Variants in LARP7 observed in about 807,000 individuals in gnomAD.
LARP7 encodes the protein la-related protein 7.
In LARP7, 52 loss-of-function variants were observed where a neutral mutation model predicts 69.3. The ratio of observed to expected loss-of-function variants is 0.75; its 90% CI spans 0.60 to 0.95. The LOEUF is 0.95. Among genes scored for constraint, LARP7 ranks in the 40% least tolerant of loss-of-function variants. LARP7 has a pLI of 0.00. For missense variants in LARP7, 733 were observed against 673.0 expected, an observed-to-expected ratio of 1.09 and a Z score of -0.99; for synonymous variants, 254 against 215.9, an observed-to-expected ratio of 1.18 and a Z score of -1.55.
intron 1 of LARP7, among the ~76,000 whole-genome samples, chr4:112,640,154 G>A (rs899992719): frequency 6.6e-6 from 1 of 151,988 alleles, no homozygotes; most frequent in Non-Finnish European, 1.5e-5. Flanking sequence ...GGCCAGGCTG[G>A]TCTTGAACTT....
chr4:112,644,464 A>T, intron 1 of LARP7: 1 of 1,196,052 alleles, frequency 8.4e-7, no homozygotes, highest in Non-Finnish European at 1.1e-6. Context: ...CAAAGAAACT[A>T]AAGCTATGAT....
rs2048874430 is a variant in LARP7 at position 112,654,324 on chromosome 4, G to A, written c.1668+165G>A. The A allele has an allele frequency of 6.0e-6, 3 of 502,454 alleles. No homozygotes were observed. In the South Asian group the frequency reaches 1.0e-4, roughly 17 times the overall value. 31.1% of individuals were successfully genotyped at this position (502,454 alleles called of 1,614,324 possible). A position where few individuals can be genotyped will look rare whatever the true frequency, so the allele number is the denominator to read the frequency against. ...TTGGGAGGGAAAAGTCATTTCTCTA[G>A]ATTTCAAAATGTATGAAATTGAATT... On this transcript the variant is annotated intron_variant, in intron 12 of 12. Coordinates refer to ENST00000344442, the MANE Select transcript of LARP7 (RefSeq NM_016648.4).
chr4:112,648,438 T>G (rs762177459), intron 8 of LARP7: 2 of 534,370 alleles, frequency 3.7e-6, no homozygotes, highest in Non-Finnish European at 7.7e-6. Context: ...AGGGGATCCC[T>G]TCAAATGAGG....
intron 1 of LARP7, chr4:112,644,271 C>T (rs1487019881): frequency 2.9e-5 from 6 of 206,628 alleles, no homozygotes; most frequent in Non-Finnish European, 5.1e-5. Flanking sequence ...AATACAACTT[C>T]TCTGGGGTGG....
chr4:112,647,427 C>A lies in LARP7; in HGVS notation c.875C>A (p.Thr292Lys), dbSNP rs1262562247. ...VEASSLPEVR[T>K]GKRKRSSSED... ...GCATCTAGCTTACCTGAAGTCAGAA[C>A]AGGGAAGAGGAAGAGAAGCAGCTCT... The change falls in exon 7 of 13, where the codon ACA becomes AAA. Residue 292 changes from threonine (T) to lysine (K), a missense_variant. Thr to Lys is a moderately conservative substitution (Grantham distance 78). Transcript: ENST00000344442. 6.2e-7 allele frequency: 1 copy of A among 1,613,912 alleles called. No individual in the cohort carries two copies. The highest frequency in any genetic ancestry group is 8.5e-7 in the Non-Finnish European group (1 of 1,180,018).
At chr4:112,639,112 C>G (rs1376709722) in intron 1 of LARP7, among the ~76,000 whole-genome samples, 1 of 152,016 alleles carries the variant, frequency 6.6e-6, no homozygotes, top group Non-Finnish European at 1.5e-5. Context: ...AAACTGCTAC[C>G]TAGTGGGATT....
In LARP7 at chr4:112,654,073, C is replaced by G; in HGVS notation, c.1582C>G (p.His528Asp). 1.2e-6 allele frequency: 2 copies of G among 1,611,822 alleles called. No individual in the cohort carries two copies. The highest frequency in any genetic ancestry group is 1.7e-6 in the Non-Finnish European group (2 of 1,178,218). ...CWKLEILSGD[H>D]EQRYWQKILV... is the part of the protein sequence containing the mutation. ...AGTCTTTGTTTGTTTTTAAGGTGAT[C>G]ACGAACAAAGGTATTGGCAGAAGAT... is the stretch of plus-strand genomic sequence containing the variant. The change falls in exon 12 of 13, where the codon CAC becomes GAC. Residue 528 changes from histidine (H) to aspartate (D), a missense_variant. Transcript: ENST00000344442.
chr4:112,648,630 T>A (rs970331148), intron 8 of LARP7: 17 of 425,862 alleles, frequency 4.0e-5, no homozygotes, highest in Non-Finnish European at 6.9e-5. Flanking sequence ...ATGGCATAAC[T>A]TTAGAAGAAA....
chr4:112,638,080 G>C lies in LARP7; in HGVS notation c.-3+841G>C, dbSNP rs1002502470. The C allele has an allele frequency of 2.6e-5, 4 of 152,456 alleles. No individual in the cohort carries two copies. In the East Asian group the frequency reaches 7.7e-4, roughly 29 times the overall value. The allele number at this position is 152,456 out of a possible 1,614,324, so 9.4% of individuals were successfully genotyped here. A position where few individuals can be genotyped will look rare whatever the true frequency, so the allele number is the denominator to read the frequency against. On this transcript the variant is annotated intron_variant, in intron 1 of 12. Coordinates refer to ENST00000344442, the MANE Select transcript of LARP7 (RefSeq NM_016648.4). ...GGAGGCCGACGCGGGAGGATCACTT[G>C]AGGTCAGGAGTTCGAGACCAGCCTG...
intron 12 of LARP7, among the ~76,000 whole-genome samples, chr4:112,655,856 C>G (rs1420334920): frequency 6.6e-6 from 1 of 152,086 alleles, no homozygotes; most frequent in Admixed American, 6.6e-5. Flanking sequence ...AGAAGTATAG[C>G]TTTTCAGGCA....
intron 1 of LARP7, 68 bp from the exon 2 acceptor site, chr4:112,644,600 C>CTAT: frequency 1.6e-6 from 2 of 1,240,690 alleles, no homozygotes; most frequent in Non-Finnish European, 2.2e-6. Context: ...AAAGGCTAAT[C>CTAT]TAAATATTTA....
intron 1 of LARP7, chr4:112,644,301 T>C (rs2048077689): frequency 7.5e-6 from 2 of 267,906 alleles, no homozygotes; most frequent in Non-Finnish European, 6.7e-6. Flanking sequence ...GGGGGGGTGT[T>C]GCGATGGAGA....
At chr4:112,649,349 A>T (rs1374871029) in intron 8 of LARP7, among the ~76,000 whole-genome samples, 186 bp from the exon 9 acceptor site, 1 of 152,206 alleles carries the variant, frequency 6.6e-6, no homozygotes, top group African/African-American at 2.4e-5. Flanking sequence ...TTGGGGGAAG[A>T]GGAACTCCCT....
chr4:112,644,831 T>C lies in LARP7; in HGVS notation c.162T>C (p.Asp54=), dbSNP rs560064632. ...TTGGGGATGCAAATCTTCACAAGGA[T>C]AGATTTCTTCGAGAACAGATAGAAA... ...FWFGDANLHK[D]RFLREQIEKS... Residue 54 remains aspartate (D), a synonymous_variant, in exon 2 of 13, where the codon GAT becomes GAC. Coordinates refer to ENST00000344442, the MANE Select transcript of LARP7 (RefSeq NM_016648.4). The C allele has an allele frequency of 1.9e-6, 3 of 1,604,410 alleles. No homozygotes were observed. Among genetic ancestry groups the C allele is most frequent in the Non-Finnish European group, 2.6e-6 (3 of 1,174,032 alleles).
intron 1 of LARP7, among the ~76,000 whole-genome samples, chr4:112,643,797 A>T (rs1443167282): frequency 1.3e-5 from 2 of 152,000 alleles, no homozygotes; most frequent in East Asian, 3.9e-4. Context: ...GCTTGCAGTA[A>T]GCTGAGATCA....
chr4:112,652,619 A>C (rs1415763053), intron 10 of LARP7, among the ~76,000 whole-genome samples: 1 of 151,962 alleles, frequency 6.6e-6, no homozygotes, highest in East Asian at 1.9e-4. Flanking sequence ...ATGAGTTGTT[A>C]TTAAAAGTGG....
chr4:112,649,415 A>C (rs2048594372), intron 8 of LARP7, 120 bp from the exon 9 acceptor site: 2 of 794,562 alleles, frequency 2.5e-6, no homozygotes, highest in East Asian at 6.0e-5. Flanking sequence ...ATATGTGTTT[A>C]AAGAAACAGG....
intron 1 of LARP7, among the ~76,000 whole-genome samples, chr4:112,643,575 C>T (rs749295127): frequency 6.6e-6 from 1 of 152,074 alleles, no homozygotes; most frequent in African/African-American, 2.4e-5. Flanking sequence ...TGGCTGGGCG[C>T]GGTGGCTCAC....
rs1000356255 is a variant in LARP7 at position 112,646,771 on chromosome 4, T to C, written c.388-20T>C. On this transcript the variant is annotated intron_variant, in intron 4 of 12. Transcript: ENST00000344442. The stretch of plus-strand genomic sequence containing the variant: ...ATTCTGATTGTGAAAAACTCTAATA[T>C]TGCTTTTAATTTATAATAGGAGTTA... The C allele has an allele frequency of 1.3e-6, 2 of 1,566,388 alleles. No individual in the cohort carries two copies. The highest frequency in any genetic ancestry group is 2.8e-5 in the African/African-American group (2 of 72,434).
Sources: gnomAD v4.1 joint callset for allele counts (sites outside exome capture counted in the v4.1 genomes callset) on GRCh38, gnomAD v4.1.1 for gene constraint, MANE v1.5 for transcripts, NCBI Gene and HGNC (gene_info 2026-07-23, HGNC 2026-07-21) for gene names.